The following SLC25A17 variants were observed in gnomAD, a reference collection of about 807,000 sequenced individuals.
SLC25A17 encodes the protein solute carrier family 25 member 17.
In SLC25A17, 26 loss-of-function variants were observed where a neutral mutation model predicts 38.5. The observed-to-expected ratio is 0.68, with a 90% confidence interval of 0.50 to 0.94. The LOEUF is 0.94. Ranked by LOEUF, SLC25A17 falls within the 40% of genes least tolerant of loss-of-function variation. The pLI is 0.00. For missense variants in SLC25A17, 333 were observed against 372.7 expected (o/e 0.89, Z 0.88); for synonymous variants, 139 against 136.2 (o/e 1.02, Z -0.14).
At chr22:40,807,026 T>C (rs892108878) in intron 1 of SLC25A17, among the ~76,000 whole-genome samples, 2 of 152,196 alleles carry the variant, frequency 1.3e-5, no homozygotes, top group Non-Finnish European at 2.9e-5. Flanking sequence ...CCATGGCTTC[T>C]TTACACTTAT....
intron 5 of SLC25A17, among the ~76,000 whole-genome samples, chr22:40,778,157 AT>A (rs2057263436): frequency 6.6e-6 from 1 of 152,252 alleles, no homozygotes; most frequent in African/African-American, 2.4e-5. Context: ...AAGCTCAAAG[AT>A]ATCAGATACC....
chr22:40,778,139 A>G (rs1177611463), intron 5 of SLC25A17, among the ~76,000 whole-genome samples: 2 of 152,256 alleles, frequency 1.3e-5, no homozygotes, highest in Non-Finnish European at 2.9e-5. Flanking sequence ...GGTACTATTG[A>G]AAGGCAGAAG....
At position 40,794,597 on chromosome 22, in the gene SLC25A17, T is replaced by C. The variant is rs1158224678; in HGVS notation, c.116-17A>G. The C allele has an allele frequency of 1.3e-6, 2 of 1,547,858 alleles. No homozygotes were observed. Among genetic ancestry groups the C allele is most frequent in the Non-Finnish European group, 1.8e-6 (2 of 1,136,362 alleles). ...TCTCATCAACTACAAGACCAAACAGTGCATGTTTATTTTATTAATTAAAAA... is the reference window on the plus strand; with the variant it reads ...TCTCATCAACTACAAGACCAAACAGCGCATGTTTATTTTATTAATTAAAAA... On this transcript the variant is annotated splice_polypyrimidine_tract_variant and intron_variant, in intron 2 of 8. Coordinates refer to ENST00000435456, the MANE Select transcript of SLC25A17 (RefSeq NM_006358.4).
At chr22:40,814,773 ATATATATATATATATATTGTT>A (rs1008623280) in intron 1 of SLC25A17, among the ~76,000 whole-genome samples, 2 of 145,378 alleles carry the variant, frequency 1.4e-5, no homozygotes, top group African/African-American at 5.1e-5. Flanking sequence ...ATATATATAT[ATATATATATATATATATTGTT>A]GTTGTTGTTG....
chr22:40,775,554 C>T (rs1453656566), intron 7 of SLC25A17, among the ~76,000 whole-genome samples: 1 of 147,518 alleles, frequency 6.8e-6, no homozygotes, highest in Non-Finnish European at 1.5e-5. Context: ...AGCTCCGCTT[C>T]CCGGGTTCAC....
In SLC25A17 at chr22:40,789,002, T is replaced by C. The variant is rs1198959798; in HGVS notation, c.334+3523A>G. ...AAGTGCTCTTTGAAGGTATGCATGG[T>C]ATGTGTTTCCATGGACTTCTTCGTA... On this transcript the variant is annotated intron_variant, in intron 4 of 8. Transcript: ENST00000435456. This position sits in a 1 kb window ranked among gnomAD's most constrained non-coding sequence, Gnocchi z 4.5. The C allele has an allele frequency of 3.2e-6, 1 of 316,772 alleles. No homozygotes were observed. Among genetic ancestry groups the C allele is most frequent in the Non-Finnish European group, 6.3e-6 (1 of 158,556 alleles). 19.6% of individuals were successfully genotyped at this position (316,772 alleles called of 1,614,324 possible).
chr22:40,803,680 G>C (rs1239906631), intron 1 of SLC25A17, among the ~76,000 whole-genome samples: 1 of 152,114 alleles, frequency 6.6e-6, no homozygotes, highest in Non-Finnish European at 1.5e-5. Context: ...TGGGATTGCT[G>C]GATCATATGG....
intron 7 of SLC25A17, among the ~76,000 whole-genome samples, chr22:40,775,436 G>GTTTTTTTTTTT (rs71200615): frequency 9.2e-5 from 8 of 86,854 alleles, no homozygotes; most frequent in East Asian, 5.5e-4. Flanking sequence ...AGATCTGATG[G>GTTTTTTTTTTT]TTTTTTTTTT....
intron 1 of SLC25A17, among the ~76,000 whole-genome samples, chr22:40,810,671 G>A (rs1387317163): frequency 2.6e-5 from 4 of 151,944 alleles, no homozygotes; most frequent in Non-Finnish European, 4.4e-5. Context: ...ATTTTTAATC[G>A]ATCAAAGCAA....
intron 1 of SLC25A17, chr22:40,817,495 A>C (rs1347259670): frequency 6.6e-6 from 1 of 152,280 alleles, no homozygotes; most frequent in Non-Finnish European, 1.5e-5. Flanking sequence ...ACCAAAGCCA[A>C]ATTTATCATT....
In SLC25A17 at chr22:40,792,811, T is replaced by C. The variant is rs569318501; in HGVS notation, c.183-135A>G. 3.2e-5 allele frequency: 23 copies of C among 721,078 alleles called. No individual in the cohort carries two copies. In the Admixed American group the frequency reaches 3.7e-4, roughly 12 times the overall value. 44.7% of individuals were successfully genotyped at this position (721,078 alleles called of 1,614,324 possible). On this transcript the variant is annotated intron_variant, in intron 3 of 8. Coordinates refer to ENST00000435456, the MANE Select transcript of SLC25A17 (RefSeq NM_006358.4). ...TACACGAATACAAGGGACTCCAAAC[T>C]GTACACACACCTCACATTCTGAAGG...
rs1313237240 is a variant in SLC25A17 at position 40,789,727 on chromosome 22, C to T, written c.334+2798G>A. ...TTCACCATGTAGGCTAGGCTGTTCTCGAACTCCTGACCTCAGGTGATACAC... is the reference window on the plus strand; with the variant it reads ...TTCACCATGTAGGCTAGGCTGTTCTTGAACTCCTGACCTCAGGTGATACAC... On this transcript the variant is annotated intron_variant, in intron 4 of 8. Coordinates refer to ENST00000435456, the MANE Select transcript of SLC25A17 (RefSeq NM_006358.4). The surrounding 1 kb of genome is among the most constrained non-coding windows in gnomAD (Gnocchi z 4.5). 2.0e-5 allele frequency among the ~76,000 whole-genome samples: 3 copies of T among 151,878 alleles called. No homozygotes were observed. The highest frequency in any genetic ancestry group is 2.0e-4 in the East Asian group (1 of 5,084).
chr22:40,781,439 G>A (rs1219577609), intron 4 of SLC25A17, among the ~76,000 whole-genome samples: 1 of 152,038 alleles, frequency 6.6e-6, no homozygotes, highest in African/African-American at 2.4e-5. Flanking sequence ...TAGAGACGGG[G>A]TTTCACCGTG....
chr22:40,805,642 G>C (rs1332979929), intron 1 of SLC25A17, among the ~76,000 whole-genome samples: 1 of 152,042 alleles, frequency 6.6e-6, no homozygotes, highest in Non-Finnish European at 1.5e-5. Flanking sequence ...AAAAAGTTCT[G>C]TGCATAATTT....
At chr22:40,771,219 T>G (rs748432153) in intron 8 of SLC25A17, among the ~76,000 whole-genome samples, 5 of 152,168 alleles carry the variant, frequency 3.3e-5, no homozygotes, top group Non-Finnish European at 7.4e-5. Context: ...GCCATTCTCC[T>G]GCCTCAGCCT....
chr22:40,780,962 G>C (rs143158114), intron 4 of SLC25A17, among the ~76,000 whole-genome samples: 1 of 151,978 alleles, frequency 6.6e-6, no homozygotes, highest in Non-Finnish European at 1.5e-5. Context: ...TTGAGCCTAG[G>C]AGTTCAATAG....
chr22:40,785,122 G>A (rs556675031), intron 4 of SLC25A17, among the ~76,000 whole-genome samples: 6 of 152,206 alleles, frequency 3.9e-5, no homozygotes, highest in Non-Finnish European at 7.3e-5. Context: ...GGTGGCTCAC[G>A]CCTGTAATCC....
In SLC25A17 at chr22:40,777,379, C is replaced by G. The variant is rs1455391527; in HGVS notation, c.452-6G>C. 4.4e-6 allele frequency: 7 copies of G among 1,607,030 alleles called. No homozygotes were observed. Among genetic ancestry groups the G allele is most frequent in the Non-Finnish European group, 5.9e-6 (7 of 1,176,824 alleles). ...AATGATCTGATGAAAAGCATCTAAG[C>G]AAGAAATCAGGGACTTTTGAAAAGC... On this transcript the variant is annotated splice_region_variant and splice_polypyrimidine_tract_variant and intron_variant, in intron 5 of 8. Coordinates refer to ENST00000435456, the MANE Select transcript of SLC25A17 (RefSeq NM_006358.4).
chr22:40,800,894 G>A (rs1848507741), intron 1 of SLC25A17, among the ~76,000 whole-genome samples: 1 of 151,608 alleles, frequency 6.6e-6, no homozygotes, highest in Admixed American at 6.6e-5. Flanking sequence ...ATGAGGTCAG[G>A]AGTTTGATAC....
Sources: gnomAD v4.1 joint callset for allele counts (sites outside exome capture counted in the v4.1 genomes callset) on GRCh38, gnomAD v4.1.1 for gene constraint, Gnocchi (gnomAD v3.1) non-coding constraint, MANE v1.5 for transcripts, NCBI Gene and HGNC (gene_info 2026-07-23, HGNC 2026-07-21) for gene names.